PDIA4: variants seen among roughly 807,000 people sequenced by gnomAD.
PDIA4 encodes protein disulfide-isomerase A4.
In PDIA4, 33 loss-of-function variants were observed where a neutral mutation model predicts 62.1. That is an observed-to-expected ratio of 0.53 (90% CI 0.40 to 0.71). The LOEUF (loss-of-function observed/expected upper bound fraction) is 0.71, where lower values mean the gene tolerates loss of function less well. Among genes scored for constraint, PDIA4 ranks in the 30% least tolerant of loss-of-function variants. PDIA4 has a pLI of 0.00. For synonymous variants in PDIA4, 341 were observed against 324.1 expected, an observed-to-expected ratio of 1.05 and a Z score of -0.56; for missense variants, 804 against 813.6, an observed-to-expected ratio of 0.99 and a Z score of 0.14.
At position 149,004,048 on chromosome 7, in the gene PDIA4, C is replaced by T; in HGVS notation, c.1684G>A (p.Glu562Lys). 1 of 1,614,226 alleles carries T rather than the reference C, an allele frequency of 6.2e-7. No individual in the cohort carries two copies. Among genetic ancestry groups the T allele is most frequent in the South Asian group, 1.1e-5 (1 of 91,088 alleles). Reference sequence around the variant, plus strand: ...TTGGCCAGGCTGTTGTACACGGGCTCTAGCTGCTTGCAGTGCCCGCACCAT... The same window carrying T: ...TTGGCCAGGCTGTTGTACACGGGCTTTAGCTGCTTGCAGTGCCCGCACCAT... Reference protein sequence around the residue: ...APWCGHCKQLEPVYNSLAKKY... With the variant: ...APWCGHCKQLKPVYNSLAKKY... Residue 562 changes from glutamate (E) to lysine (K), a missense_variant, in exon 10 of 10, where the codon GAG becomes AAG. By Grantham distance (56) the Glu-to-Lys change is moderately conservative. Transcript: ENST00000652332.
chr7:149,025,470 C>A (rs537331450), intron 1 of PDIA4, among the ~76,000 whole-genome samples: 1 of 152,306 alleles, frequency 6.6e-6, no homozygotes, highest in African/African-American at 2.4e-5. Flanking sequence ...TTATCAGCTA[C>A]GGTAACCATG....
intron 4 of PDIA4, among the ~76,000 whole-genome samples, chr7:149,012,651 G>A (rs1018893763): frequency 2.0e-5 from 3 of 152,194 alleles, no homozygotes; most frequent in African/African-American, 7.2e-5. Context: ...AACATGGAGA[G>A]GCCAAGAGAG....
intron 7 of PDIA4, 125 bp from the exon 8 acceptor site, chr7:149,006,178 C>T (rs1443452281): frequency 2.2e-6 from 2 of 923,114 alleles, no homozygotes; most frequent in African/African-American, 3.6e-5. Flanking sequence ...AGGCAAAACA[C>T]CCCAGGGCTC....
Position 149,003,933 on chromosome 7 carries a change from A to G in PDIA4, c.1799T>C (p.Phe600Ser). 6.2e-7 allele frequency: 1 copy of G among 1,613,708 alleles called. No individual in the cohort carries two copies. Residue 600 changes from phenylalanine to serine, a missense_variant, in exon 10 of 10, where the codon TTC becomes TCC. Transcript: ENST00000652332. ...ACTGGGGGCGAAGTAGATGGTGGGG[A>G]AGCCCTCCACCTTATAGCGGTCGCT... ...VPSDRYKVEG[F>S]PTIYFAPSGD...
chr7:149,014,879 T>G (rs1824075883), intron 4 of PDIA4, 25 bp downstream of exon 4: 1 of 1,612,440 alleles, frequency 6.2e-7, no homozygotes, highest in Non-Finnish European at 8.5e-7. Context: ...GTACTGAATA[T>G]GGAAAGGGCC....
Position 149,003,966 on chromosome 7 carries a change from T to C in PDIA4, c.1766A>G (p.Asp589Gly). 6.2e-7 allele frequency: 1 copy of C among 1,613,222 alleles called. No individual in the cohort carries two copies. The highest frequency in any genetic ancestry group is 8.5e-7 in the Non-Finnish European group (1 of 1,179,292). ...CACCTTATAGCGGTCGCTGGGGACG[T>C]CGTTGGCAGTGGCGTCCATCTTGGC... The part of the protein sequence containing the change: ...VIAKMDATAN[D>G]VPSDRYKVEG... The change falls in exon 10 of 10, where the codon GAC becomes GGC. Residue 589 changes from aspartate (D) to glycine (G), a missense_variant. By Grantham distance (94) the Asp-to-Gly change is moderately conservative (BLOSUM62 -1). Coordinates refer to ENST00000652332, the MANE Select transcript of PDIA4 (RefSeq NM_004911.5).
At chr7:149,026,253 G>A (rs1824551064) in intron 1 of PDIA4, among the ~76,000 whole-genome samples, 1 of 152,178 alleles carries the variant, frequency 6.6e-6, no homozygotes, top group Non-Finnish European at 1.5e-5. Context: ...AGCCCACACC[G>A]TGGCTCACGC....
At chr7:149,011,681 T>TCCAGCC (rs1196257107) in intron 6 of PDIA4, among the ~76,000 whole-genome samples, 165 bp downstream of exon 6, 2 of 152,160 alleles carry the variant, frequency 1.3e-5, no homozygotes, top group African/African-American at 4.8e-5. Context: ...GGGACCCATC[T>TCCAGCC]CCAGCCCCAG....
At chr7:149,005,481 A>G in intron 8 of PDIA4, 107 bp from the exon 9 acceptor site, 1 of 730,862 alleles carries the variant, frequency 1.4e-6, no homozygotes, top group South Asian at 1.6e-5. Context: ...GACAATGCTC[A>G]AACCCTGGAT....
chr7:149,008,137 C>A lies in PDIA4; in HGVS notation c.1131+22G>T, dbSNP rs1375519462. Reference sequence around the variant, plus strand: ...ATGCCTGCGGGGTGTCCAGGGCTGGCATGGCAGAGGGGCCCGCTTACCTGG... The same window carrying A: ...ATGCCTGCGGGGTGTCCAGGGCTGGAATGGCAGAGGGGCCCGCTTACCTGG... On this transcript the variant is annotated intron_variant, in intron 7 of 9. Coordinates refer to ENST00000652332, the MANE Select transcript of PDIA4 (RefSeq NM_004911.5). 7 of 1,609,308 alleles carry A rather than the reference C, an allele frequency of 4.3e-6. 1 individual carries two copies. In the South Asian group the frequency reaches 7.7e-5, roughly 18 times the overall value.
chr7:149,010,726 A>G (rs1823915768), intron 6 of PDIA4, among the ~76,000 whole-genome samples: 1 of 152,174 alleles, frequency 6.6e-6, no homozygotes, highest in Non-Finnish European at 1.5e-5. Flanking sequence ...CCCCTCTCTC[A>G]TAAGCAGGCC....
At chr7:149,006,547 G>A (rs1823763702) in intron 7 of PDIA4, among the ~76,000 whole-genome samples, 1 of 152,240 alleles carries the variant, frequency 6.6e-6, no homozygotes, top group Admixed American at 6.5e-5. Flanking sequence ...GCAAGTGGTG[G>A]GTGGGCCTGT....
In PDIA4 at chr7:149,011,886, C is replaced by G; in HGVS notation, c.939G>C (p.Lys313Asn). The change falls in exon 6 of 10, where the codon AAG (lysine) becomes AAC (asparagine). Residue 313 changes from lysine to asparagine, a missense_variant. By Grantham distance (94) the Lys-to-Asn change is moderately conservative (BLOSUM62 0). Coordinates refer to ENST00000652332, the MANE Select transcript of PDIA4 (RefSeq NM_004911.5). Reference sequence around the variant, plus strand: ...GCTGGTAGGCTGGGTCACTCTCCCCCTTAAAGACCCCGATGATGATGACAT... The same window carrying G: ...GCTGGTAGGCTGGGTCACTCTCCCCGTTAAAGACCCCGATGATGATGACAT... ...GDDVIIIGVF[K>N]GESDPAYQQY... is the part of the protein sequence containing the mutation. 1.9e-6 allele frequency: 3 copies of G among 1,600,202 alleles called. No homozygotes were observed. The highest frequency in any genetic ancestry group is 2.6e-6 in the Non-Finnish European group (3 of 1,172,780).
intron 2 of PDIA4, among the ~76,000 whole-genome samples, chr7:149,019,927 T>C (rs1824284216): frequency 6.6e-6 from 1 of 152,176 alleles, no homozygotes; most frequent in African/African-American, 2.4e-5. Context: ...TAAGGTCTCT[T>C]TGAACTAAAA....
intron 1 of PDIA4, among the ~76,000 whole-genome samples, chr7:149,025,287 G>A (rs1168076066): frequency 6.6e-6 from 1 of 152,000 alleles, no homozygotes; most frequent in Non-Finnish European, 1.5e-5. Context: ...GGGCACACCT[G>A]ATGACAACAC....
chr7:149,020,914 G>C, intron 2 of PDIA4, 53 bp downstream of exon 2: 4 of 1,584,982 alleles, frequency 2.5e-6, no homozygotes, highest in Non-Finnish European at 3.4e-6. Context: ...GAAGGGCTGA[G>C]CGAATGGAGC....
chr7:149,028,303 G>T lies in PDIA4; in HGVS notation c.88+18C>A. 6.6e-7 allele frequency: 1 copy of T among 1,508,946 alleles called. No individual in the cohort carries two copies. The highest frequency in any genetic ancestry group is 8.9e-7 in the Non-Finnish European group (1 of 1,129,490). 93.5% of individuals were successfully genotyped at this position (1,508,946 alleles called of 1,614,324 possible). ...CCCCCGCAAGCACAGCCCGACCCGC[G>T]GCGCGCTTGCCGCTCACCCTCGTCC... On this transcript the variant is annotated intron_variant, in intron 1 of 9. Transcript: ENST00000652332.
At position 149,020,503 on chromosome 7, in the gene PDIA4, C is replaced by A. The variant is rs542538083; in HGVS notation, c.269+464G>T. On this transcript the variant is annotated intron_variant, in intron 2 of 9. Transcript: ENST00000652332. ...AAGTGGGGATGCCTGACTGGTCCCCCCGCAGGGCCTATGTGTGTAGTAAAA... is the reference window on the plus strand; with the variant it reads ...AAGTGGGGATGCCTGACTGGTCCCCACGCAGGGCCTATGTGTGTAGTAAAA... Among the ~76,000 whole-genome samples, 4 of 152,306 alleles carry A rather than the reference C, an allele frequency of 2.6e-5. No homozygotes were observed. The South Asian group carries it at 8.3e-4, about 32-fold the overall frequency.
intron 1 of PDIA4, 82 bp downstream of exon 1, chr7:149,028,239 C>T: frequency 9.5e-7 from 1 of 1,049,564 alleles, no homozygotes. Context: ...AGCCCGCCCG[C>T]CGGGGTCGCA....
Sources: gnomAD v4.1 joint callset for allele counts (sites outside exome capture counted in the v4.1 genomes callset) on GRCh38, gnomAD v4.1.1 for gene constraint, MANE v1.5 for transcripts, NCBI Gene and HGNC (gene_info 2026-07-23, HGNC 2026-07-21) for gene names.